The following PRELID2 variants were observed in gnomAD, a reference collection of about 807,000 sequenced individuals.
PRELID2 encodes PRELI domain containing 2.
In PRELID2, 25 loss-of-function variants were observed where a neutral mutation model predicts 28.4. That is an observed-to-expected ratio of 0.88 (90% CI 0.64 to 1.23). PRELID2 has a LOEUF of 1.23. Ranked by LOEUF, PRELID2 falls within the 50% of genes most tolerant of loss-of-function variation. PRELID2 has a pLI of 0.00. For missense variants in PRELID2, 201 were observed against 214.4 expected, an observed-to-expected ratio of 0.94 and a Z score of 0.39; for synonymous variants, 76 against 71.6, an observed-to-expected ratio of 1.06 and a Z score of -0.31.
At chr5:145,740,499 T>G (rs1369468140) in intron 1 of PRELID2, among the ~76,000 whole-genome samples, 1 of 137,254 alleles carries the variant, frequency 7.3e-6, no homozygotes, top group African/African-American at 2.7e-5. Context: ...GCAATAACAC[T>G]ATTGAAAAGA....
chr5:145,364,751 A>G, the PRELID2 span, among the ~76,000 whole-genome samples: 1 of 151,982 alleles, frequency 6.6e-6, no homozygotes, highest in Non-Finnish European at 1.5e-5. Flanking sequence ...GGATTTCACC[A>G]AATTACATAG....
the PRELID2 span, among the ~76,000 whole-genome samples, chr5:145,305,527 A>G: frequency 6.6e-6 from 1 of 152,274 alleles, no homozygotes; most frequent in South Asian, 2.1e-4. Context: ...ATGAACATGC[A>G]ACAACTGGTC....
At chr5:145,764,350 G>A (rs1026020483) in intron 6 of PRELID2, among the ~76,000 whole-genome samples, 11 of 152,156 alleles carry the variant, frequency 7.2e-5, no homozygotes. Flanking sequence ...TTCAGCATGA[G>A]TGCTGTCCTC....
the PRELID2 span, among the ~76,000 whole-genome samples, chr5:145,386,906 G>C: frequency 2.0e-5 from 3 of 152,214 alleles, no homozygotes; most frequent in East Asian, 5.8e-4. Context: ...ATTCTCCTGG[G>C]AGCAGCCCAA....
At chr5:145,598,095 T>C (rs1447782458) in intron 1 of PRELID2, among the ~76,000 whole-genome samples, 1 of 152,126 alleles carries the variant, frequency 6.6e-6, no homozygotes, top group African/African-American at 2.4e-5. Context: ...TAGGTAGGCT[T>C]TCAATAGACA....
At chr5:145,640,994 A>G (rs1458939026) in intron 1 of PRELID2, among the ~76,000 whole-genome samples, 1 of 152,224 alleles carries the variant, frequency 6.6e-6, no homozygotes, top group Non-Finnish European at 1.5e-5. Context: ...ACCATATTTT[A>G]TACCAGGCCC....
the PRELID2 span, among the ~76,000 whole-genome samples, chr5:145,424,913 G>C: frequency 2.0e-5 from 3 of 152,134 alleles, no homozygotes; most frequent in East Asian, 3.9e-4. Flanking sequence ...AGCCAAAATT[G>C]ACAAATGGGA....
chr5:145,467,099 C>A (rs1752009208), downstream of PRELID2, among the ~76,000 whole-genome samples: 1 of 152,124 alleles, frequency 6.6e-6, no homozygotes, highest in African/African-American at 2.4e-5. Flanking sequence ...TTGTAAAACC[C>A]AGGAAGACCC....
At chr5:145,329,750 C>T in the PRELID2 span, among the ~76,000 whole-genome samples, 98,461 of 152,000 alleles carry the variant, frequency 0.65, 32,144 homozygotes, top group East Asian at 0.89. Context: ...GCTTCTCTCT[C>T]CCTATTTGAA....
intron 1 of PRELID2, chr5:145,834,672 A>G (rs887334549): frequency 6.6e-6 from 1 of 151,728 alleles, no homozygotes; most frequent in Non-Finnish European, 1.5e-5. Flanking sequence ...CAACAACTCT[A>G]TGAGTCGGTA....
At chr5:145,643,379 C>A (rs754626159) in intron 1 of PRELID2, among the ~76,000 whole-genome samples, 1 of 152,176 alleles carries the variant, frequency 6.6e-6, no homozygotes, top group Non-Finnish European at 1.5e-5. Flanking sequence ...TGAGACTTTG[C>A]TGAATTTGCT....
the PRELID2 span, among the ~76,000 whole-genome samples, chr5:145,445,829 A>G: frequency 6.6e-6 from 1 of 151,936 alleles, no homozygotes; most frequent in Non-Finnish European, 1.5e-5. Flanking sequence ...TCATCTCCAG[A>G]TAGAATGGCT....
At chr5:145,708,800 C>T (rs902637728) in intron 1 of PRELID2, among the ~76,000 whole-genome samples, 2 of 152,146 alleles carry the variant, frequency 1.3e-5, no homozygotes, top group Non-Finnish European at 2.9e-5. Flanking sequence ...AATAAGCTAC[C>T]GCTATGCCAG....
In PRELID2 at chr5:145,728,547, T is replaced by C. The variant is rs533970294; in HGVS notation, n.70+36384A>G. 24 of 794,266 alleles carry C rather than the reference T, an allele frequency of 3.0e-5. No homozygotes were observed. The East Asian group carries it at 5.6e-4, about 19-fold the overall frequency. The allele number at this position is 794,266 out of a possible 1,614,324, so 49.2% of individuals were successfully genotyped here. A position where few individuals can be genotyped will look rare whatever the true frequency, so the allele number is the denominator to read the frequency against. On this transcript the variant is annotated intron_variant and non_coding_transcript_variant, in intron 1 of 2. Transcript: ENST00000510259. ...AAATTTCTACTCCACATCAGCATCA[T>C]CCTCAATTTCCTGGAATGAATTGTT...
At chr5:145,505,521 T>G (rs1200001895) in intron 1 of PRELID2, among the ~76,000 whole-genome samples, 1 of 152,208 alleles carries the variant, frequency 6.6e-6, no homozygotes, top group African/African-American at 2.4e-5. Flanking sequence ...CTTGACAAAC[T>G]ATATTTTATT....
chr5:145,702,736 C>A (rs61548197), intron 1 of PRELID2, among the ~76,000 whole-genome samples: 2,894 of 152,176 alleles, frequency 0.019, 86 homozygotes, highest in African/African-American at 0.065. Flanking sequence ...GCTTCTAAAC[C>A]AAGAAGCACA....
intron 1 of PRELID2, among the ~76,000 whole-genome samples, chr5:145,474,941 A>C (rs938890956): frequency 2.0e-5 from 3 of 152,208 alleles, no homozygotes; most frequent in African/African-American, 7.2e-5. Flanking sequence ...ATCACCATGC[A>C]TATTAAATGA....
chr5:145,411,476 T>C, the PRELID2 span, among the ~76,000 whole-genome samples: 6 of 152,238 alleles, frequency 3.9e-5, no homozygotes, highest in Non-Finnish European at 7.3e-5. Context: ...CTATGTTTTA[T>C]ATCCAAGACA....
intron 1 of PRELID2, among the ~76,000 whole-genome samples, chr5:145,560,996 T>C (rs1216793082): frequency 1.3e-5 from 2 of 151,560 alleles, no homozygotes; most frequent in Non-Finnish European, 2.9e-5. Context: ...TCATGAAAAA[T>C]AGGACTGTTT....
Sources: gnomAD v4.1 joint callset for allele counts (sites outside exome capture counted in the v4.1 genomes callset) on GRCh38, gnomAD v4.1.1 for gene constraint, MANE v1.5 for transcripts, NCBI Gene and HGNC (gene_info 2026-07-23, HGNC 2026-07-21) for gene names.